Variants in TAFA4 observed in about 807,000 individuals in gnomAD.
TAFA4 encodes chemokine-like protein TAFA-4.
A neutral mutation model predicts 21.1 loss-of-function variants in TAFA4; 20 were observed. That is an observed-to-expected ratio of 0.95 (90% CI 0.67 to 1.38). The LOEUF is 1.38. Among genes scored for constraint, TAFA4 ranks in the 40% most tolerant of loss-of-function variants. The probability of loss-of-function intolerance (pLI) is 0.00; values close to 1 mark genes in which losing one functional copy is unlikely to be tolerated. For missense variants in TAFA4, 211 were observed against 180.9 expected (o/e 1.17, Z -0.95); for synonymous variants, 71 against 67.4 (o/e 1.05, Z -0.26).
At chr3:68,749,135 C>G (rs573443252) in intron 4 of TAFA4, among the ~76,000 whole-genome samples, 14 of 152,208 alleles carry the variant, frequency 9.2e-5, no homozygotes, top group African/African-American at 3.4e-4. Context: ...TATTAAAGAC[C>G]CACTTCAATA....
At chr3:68,857,238 C>T (rs1327158719) in intron 3 of TAFA4, among the ~76,000 whole-genome samples, 1 of 152,126 alleles carries the variant, frequency 6.6e-6, no homozygotes, top group Non-Finnish European at 1.5e-5. Context: ...AAACATGCAG[C>T]TATCTGGGTG....
chr3:68,760,146 G>A lies in TAFA4; in HGVS notation c.131-7128C>T, dbSNP rs114937798. Among the ~76,000 whole-genome samples the A allele has an allele frequency of 6.8e-3, 1,036 of 152,262 alleles. 8 individuals carry two copies. Among genetic ancestry groups the A allele is most frequent in the African/African-American group, 0.024 (990 of 41,554 alleles). The stretch of plus-strand genomic sequence containing the variant: ...TTCCTCATTCACCAGAATAGTTGAT[G>A]TAGACACCATTAAAAGTGTTATGAT... On this transcript the variant is annotated intron_variant, in intron 3 of 5. Coordinates refer to ENST00000295569, the MANE Select transcript of TAFA4 (RefSeq NM_182522.5).
chr3:68,805,111 AAAAC>A (rs1259459446), intron 3 of TAFA4, among the ~76,000 whole-genome samples: 4 of 152,226 alleles, frequency 2.6e-5, no homozygotes, highest in Admixed American at 6.5e-5. Context: ...TTACAGGAAA[AAAAC>A]AAACAACCCC....
intron 3 of TAFA4, among the ~76,000 whole-genome samples, chr3:68,755,482 G>A (rs1032956847): frequency 2.0e-5 from 3 of 152,186 alleles, no homozygotes; most frequent in Non-Finnish European, 4.4e-5. Context: ...TGACTGGCAT[G>A]GCTTAGGTCA....
chr3:68,867,673 A>C (rs2106931935), intron 3 of TAFA4, among the ~76,000 whole-genome samples: 1 of 152,232 alleles, frequency 6.6e-6, no homozygotes, highest in Non-Finnish European at 1.5e-5. Context: ...TGAGACAACG[A>C]AAAGTCAAAA....
intron 1 of TAFA4, among the ~76,000 whole-genome samples, chr3:68,904,309 G>C (rs2089875681): frequency 1.3e-5 from 2 of 152,126 alleles, no homozygotes; most frequent in East Asian, 1.9e-4. Context: ...TTCCATGATT[G>C]CATCTTTAAG....
chr3:68,802,056 C>T (rs1452251317), intron 3 of TAFA4, among the ~76,000 whole-genome samples: 1 of 151,962 alleles, frequency 6.6e-6, no homozygotes, highest in Admixed American at 6.6e-5. Context: ...TAATACACAT[C>T]TATGTTCACA....
At chr3:68,737,575 A>T (rs372966675) in intron 5 of TAFA4, among the ~76,000 whole-genome samples, 4 of 152,334 alleles carry the variant, frequency 2.6e-5, no homozygotes, top group African/African-American at 9.6e-5. Flanking sequence ...AATCTGGGGT[A>T]TAATATCAGC....
intron 3 of TAFA4, among the ~76,000 whole-genome samples, chr3:68,797,886 C>T (rs1032545926): frequency 1.3e-5 from 2 of 151,996 alleles, no homozygotes; most frequent in African/African-American, 4.8e-5. Flanking sequence ...CGTAGCACAG[C>T]GATGTGAGTA....
chr3:68,926,886 G>C (rs112942227), intron 1 of TAFA4, among the ~76,000 whole-genome samples: 2,161 of 152,206 alleles, frequency 0.014, 28 homozygotes, highest in Middle Eastern at 0.024. Context: ...ACTCCAGCCT[G>C]GGTGACAGAG....
intron 1 of TAFA4, among the ~76,000 whole-genome samples, chr3:68,899,112 A>G (rs1441415590): frequency 1.3e-5 from 2 of 152,236 alleles, no homozygotes; most frequent in East Asian, 1.9e-4. Flanking sequence ...TTTCAGCCAC[A>G]TATCTACTTT....
rs192104665 is a variant in TAFA4 at position 68,803,576 on chromosome 3, A to G, written c.131-50558T>C. On this transcript the variant is annotated intron_variant, in intron 3 of 5. Transcript: ENST00000295569. Reference sequence around the variant, plus strand: ...CAGGGAGGGAAGTACTAAGAAGTCCATCTAGGCTCAAGGGTTGATTCTCGT... The same window carrying G: ...CAGGGAGGGAAGTACTAAGAAGTCCGTCTAGGCTCAAGGGTTGATTCTCGT... 2.0e-5 allele frequency among the ~76,000 whole-genome samples: 3 copies of G among 152,156 alleles called. No homozygotes were observed. The East Asian group carries it at 5.8e-4, about 29-fold the overall frequency.
chr3:68,891,111 G>T (rs1348130444), intron 1 of TAFA4, among the ~76,000 whole-genome samples: 2 of 152,096 alleles, frequency 1.3e-5, no homozygotes, highest in African/African-American at 4.8e-5. Context: ...CTTCTGAATA[G>T]AACTCTCTAA....
At position 68,747,572 on chromosome 3, in the gene TAFA4, C is replaced by T. The variant is rs533320926; in HGVS notation, c.286+5291G>A. ...CACGTGGAACTGTGAGTCCATTAAACCTCTTTTGCTTTATAAATTACCCAT... is the reference window on the plus strand; with the variant it reads ...CACGTGGAACTGTGAGTCCATTAAATCTCTTTTGCTTTATAAATTACCCAT... On this transcript the variant is annotated intron_variant, in intron 4 of 5. Transcript: ENST00000295569. Among the ~76,000 whole-genome samples, 52 of 152,272 alleles carry T rather than the reference C, an allele frequency of 3.4e-4. 1 individual carries two copies. In the South Asian group the frequency reaches 1.0e-2, roughly 29 times the overall value.
intron 3 of TAFA4, among the ~76,000 whole-genome samples, chr3:68,785,188 A>G (rs577491571): frequency 2.6e-5 from 4 of 152,298 alleles, no homozygotes; most frequent in African/African-American, 7.2e-5. Context: ...TGTATTTACA[A>G]TCCCCTAGCT....
chr3:68,877,045 C>T (rs2089556898), intron 3 of TAFA4, among the ~76,000 whole-genome samples: 1 of 152,064 alleles, frequency 6.6e-6, no homozygotes, highest in African/African-American at 2.4e-5. Context: ...ATGCTGCTTC[C>T]TCTGCCATGA....
At chr3:68,763,726 T>G (rs536828426) in intron 3 of TAFA4, among the ~76,000 whole-genome samples, 1 of 152,216 alleles carries the variant, frequency 6.6e-6, no homozygotes, top group African/African-American at 2.4e-5. Context: ...ATCAGAAGTC[T>G]ACTATCTGTT....
At chr3:68,778,113 A>G (rs192653063) in intron 3 of TAFA4, among the ~76,000 whole-genome samples, 44 of 152,312 alleles carry the variant, frequency 2.9e-4, no homozygotes, top group African/African-American at 9.1e-4. Flanking sequence ...TTTGGAATGA[A>G]TAAGCAAGAA....
chr3:68,805,195 A>G (rs1326161325), intron 3 of TAFA4, among the ~76,000 whole-genome samples: 1 of 152,268 alleles, frequency 6.6e-6, no homozygotes, highest in Non-Finnish European at 1.5e-5. Context: ...CAAAATACAC[A>G]TGAAAAAATG....
Sources: allele counts gnomAD v4.1 joint callset (sites outside exome capture counted in the v4.1 genomes callset), GRCh38; gene constraint gnomAD v4.1.1; transcripts MANE v1.5; gene names NCBI Gene and HGNC (gene_info 2026-07-23, HGNC 2026-07-21).